The following CPVL variants were observed in gnomAD, a reference collection of about 807,000 sequenced individuals.
CPVL encodes carboxypeptidase vitellogenic like.
CPVL carries 51 observed loss-of-function variants against 63.7 expected under a neutral mutation model. The observed-to-expected ratio is 0.80, with a 90% CI of 0.64 to 1.01. The LOEUF (loss-of-function observed/expected upper bound fraction) is 1.01. Ranked by LOEUF, CPVL falls within the 50% of genes least tolerant of loss-of-function variation. The pLI is 0.00. For missense variants in CPVL, 530 were observed against 573.1 expected, an observed-to-expected ratio of 0.92 and a Z score of 0.77; for synonymous variants, 195 against 206.0, an observed-to-expected ratio of 0.95 and a Z score of 0.46.
At chr7:29,193,258 A>C (rs896407497) in intron 1 of CPVL, 1 of 148,262 alleles carries the variant, frequency 6.7e-6, no homozygotes. Flanking sequence ...TCCTGGAGGG[A>C]TTTTTTTTTT....
At chr7:29,168,562 G>GT (rs1235176283) in intron 5 of CPVL, among the ~76,000 whole-genome samples, 1 of 152,076 alleles carries the variant, frequency 6.6e-6, no homozygotes, top group Non-Finnish European at 1.5e-5. Context: ...TTTCATCTGT[G>GT]TATCTCTAAA....
chr7:29,055,145 T>C (rs1790601301), intron 11 of CPVL, among the ~76,000 whole-genome samples: 1 of 152,244 alleles, frequency 6.6e-6, no homozygotes, highest in Non-Finnish European at 1.5e-5. Context: ...CCTGTTTACT[T>C]TTGTGTTAGG....
intron 4 of CPVL, 26 bp from the exon 5 acceptor site, chr7:29,095,168 G>T: frequency 6.2e-7 from 1 of 1,604,018 alleles, no homozygotes; most frequent in Non-Finnish European, 8.5e-7. Context: ...AGAGGGGTGA[G>T]ATAGAGTCGT....
At chr7:29,024,043 AAAG>A (rs1787259620) in intron 12 of CPVL, among the ~76,000 whole-genome samples, 1 of 152,216 alleles carries the variant, frequency 6.6e-6, no homozygotes, top group Non-Finnish European at 1.5e-5. Flanking sequence ...TAGTGTTATT[AAAG>A]AAGCTTAGCG....
At chr7:29,051,282 G>A (rs964491616) in intron 11 of CPVL, among the ~76,000 whole-genome samples, 24 of 152,210 alleles carry the variant, frequency 1.6e-4, no homozygotes, top group African/African-American at 4.1e-4. Context: ...GCTTTTGCAC[G>A]GCAAAAGGAA....
intron 1 of CPVL, chr7:29,191,522 C>A (rs577121675): frequency 1.3e-5 from 2 of 152,262 alleles, no homozygotes; most frequent in African/African-American, 4.8e-5. Context: ...AAGGGGGGAA[C>A]AGAGATTAGA....
At chr7:29,022,654 T>C (rs1362150907) in intron 12 of CPVL, among the ~76,000 whole-genome samples, 3 of 152,152 alleles carry the variant, frequency 2.0e-5, no homozygotes, top group Non-Finnish European at 4.4e-5. Context: ...CCAGTGCCTG[T>C]GCATGTTGTC....
At chr7:29,006,604 T>C (rs1359652510) in intron 12 of CPVL, among the ~76,000 whole-genome samples, 1 of 152,154 alleles carries the variant, frequency 6.6e-6, no homozygotes, top group East Asian at 1.9e-4. Flanking sequence ...AGCTGATCTG[T>C]TTAGGAGAAC....
intron 9 of CPVL, among the ~76,000 whole-genome samples, chr7:29,069,827 T>TGTGTGTGC: frequency 7.4e-6 from 1 of 135,486 alleles, no homozygotes; most frequent in East Asian, 2.2e-4. Context: ...TGTGTGTGTG[T>TGTGTGTGC]GCATGTAAAT....
intron 3 of CPVL, among the ~76,000 whole-genome samples, chr7:29,096,801 T>G (rs151220062): frequency 0.013 from 2,044 of 152,040 alleles, 23 homozygotes; most frequent in Admixed American, 0.025. Flanking sequence ...CTGGCCAACA[T>G]AGTGAAACCC....
chr7:29,133,631 C>T (rs1036037732), intron 1 of CPVL, among the ~76,000 whole-genome samples: 1 of 152,216 alleles, frequency 6.6e-6, no homozygotes, highest in African/African-American at 2.4e-5. Context: ...TTTAATCCTG[C>T]TGAAACGTGG....
In CPVL at chr7:28,995,847, A is replaced by G. The variant is rs779911216; in HGVS notation, c.1356T>C (p.Tyr452=). ...IIRGGGHILP[Y]DQPLRAFDMI... is the part of the protein sequence containing the mutation. ...TGTCAAAAGCTCTCAGAGGCTGGTC[A>G]TAGGGTAAAATATGTCCTCCACCTC... The change falls in exon 13 of 13, where the codon TAT becomes TAC. Residue 452 remains tyrosine (Y), a synonymous_variant. Coordinates refer to ENST00000265394, the MANE Select transcript of CPVL (RefSeq NM_031311.5). 4 of 1,603,056 alleles carry G rather than the reference A, an allele frequency of 2.5e-6. No homozygotes were observed. The highest frequency in any genetic ancestry group is 3.4e-6 in the Non-Finnish European group (4 of 1,176,620).
At chr7:29,003,686 A>C (rs943904868) in intron 12 of CPVL, among the ~76,000 whole-genome samples, 2 of 152,218 alleles carry the variant, frequency 1.3e-5, no homozygotes, top group East Asian at 1.9e-4. Flanking sequence ...GTAAGGCAGC[A>C]GTCCCCAACC....
At position 29,029,082 on chromosome 7, in the gene CPVL, C is replaced by T. The variant is rs574884106; in HGVS notation, c.1320+1495G>A. On this transcript the variant is annotated intron_variant, in intron 12 of 12. Coordinates refer to ENST00000265394, the MANE Select transcript of CPVL (RefSeq NM_031311.5). ...TCAGCATCACTAATCATCAGGGAAA[C>T]GCAAATTAAAACCACAATGAGGTAT... is the stretch of plus-strand genomic sequence containing the variant. 2.2e-4 allele frequency among the ~76,000 whole-genome samples: 34 copies of T among 151,472 alleles called. No individual in the cohort carries two copies. In the East Asian group the frequency reaches 3.1e-3, roughly 14 times the overall value.
intron 4 of CPVL, 114 bp from the exon 5 acceptor site, chr7:29,095,256 C>T: frequency 1.2e-6 from 1 of 821,140 alleles, no homozygotes; most frequent in South Asian, 1.4e-5. Flanking sequence ...GTTGGCGTAC[C>T]CTCTAACAGT....
At chr7:29,002,468 T>C (rs1038929637) in intron 12 of CPVL, among the ~76,000 whole-genome samples, 2 of 152,180 alleles carry the variant, frequency 1.3e-5, no homozygotes, top group African/African-American at 4.8e-5. Flanking sequence ...TTTTTCTTCA[T>C]ATATTTTTTG....
At chr7:29,103,284 C>T (rs1315115350) in intron 3 of CPVL, among the ~76,000 whole-genome samples, 6 of 134,942 alleles carry the variant, frequency 4.4e-5, no homozygotes, top group Non-Finnish European at 7.6e-5. Context: ...CTTGCTCTGT[C>T]GCCCATGCTG....
chr7:29,064,105 G>A lies in CPVL; in HGVS notation c.1093C>T (p.Gln365Ter), dbSNP rs1281302285. 6.2e-7 allele frequency: 1 copy of A among 1,612,770 alleles called. No homozygotes were observed. The highest frequency in any genetic ancestry group is 8.5e-7 in the Non-Finnish European group (1 of 1,179,024). The change falls in exon 11 of 13, where the codon CAG becomes TAG. Residue 365 changes from glutamine to a stop codon, truncating the protein, a stop_gained. Transcript: ENST00000265394. LOFTEE classifies it high-confidence loss of function. ...TCAGTTAACCATGGCTTAACTGACT[G>A]TACTGTATCTTCTCGCAAGTACTTT... The part of the protein sequence containing the change: ...VEKYLREDTV[Q>*]SVKPWLTEIM...
At chr7:29,156,396 G>T (rs1460809554) in intron 5 of CPVL, among the ~76,000 whole-genome samples, 1 of 152,148 alleles carries the variant, frequency 6.6e-6, no homozygotes, top group African/African-American at 2.4e-5. Context: ...TTATAAATCT[G>T]AGGCACTGTA....
Sources: allele counts gnomAD v4.1 joint callset (sites outside exome capture counted in the v4.1 genomes callset), GRCh38; gene constraint gnomAD v4.1.1; transcripts MANE v1.5; gene names NCBI Gene and HGNC (gene_info 2026-07-23, HGNC 2026-07-21).